Variants in MAN1C1 observed in about 807,000 individuals in gnomAD.
MAN1C1 encodes mannosidase alpha class 1C member 1.
In MAN1C1, 49 loss-of-function variants were observed where a neutral mutation model predicts 71.5. The ratio of observed to expected loss-of-function variants is 0.69; its 90% CI spans 0.54 to 0.87. The LOEUF (loss-of-function observed/expected upper bound fraction) is 0.87. Ranked by LOEUF, MAN1C1 falls within the 40% of genes least tolerant of loss-of-function variation. The probability of loss-of-function intolerance (pLI) is 0.00; values close to 1 mark genes in which losing one functional copy is unlikely to be tolerated. For missense variants in MAN1C1, 743 were observed against 835.0 expected, an observed-to-expected ratio of 0.89 and a Z score of 1.36; for synonymous variants, 352 against 343.7, an observed-to-expected ratio of 1.02 and a Z score of -0.27.
At chr1:25,663,545 T>G (rs2045880272) in intron 1 of MAN1C1, among the ~76,000 whole-genome samples, 1 of 152,234 alleles carries the variant, frequency 6.6e-6, no homozygotes, top group South Asian at 2.1e-4. Flanking sequence ...CCAAAATACT[T>G]CGTTGTACTG....
chr1:25,633,942 T>C (rs1186682824), intron 1 of MAN1C1, among the ~76,000 whole-genome samples: 1 of 152,230 alleles, frequency 6.6e-6, no homozygotes. Context: ...GAACTCCTTT[T>C]AGCATTTCTT....
chr1:25,712,167 G>C, intron 2 of MAN1C1, among the ~76,000 whole-genome samples: 1 of 152,262 alleles, frequency 6.6e-6, no homozygotes, highest in East Asian at 1.9e-4. Flanking sequence ...CTTGTGGAAA[G>C]TAACAGTACT....
At chr1:25,736,565 C>T (rs2744774) in intron 2 of MAN1C1, among the ~76,000 whole-genome samples, 5,670 of 152,248 alleles carry the variant, frequency 0.037, 138 homozygotes, top group Non-Finnish European at 0.055. Context: ...CTTGCTCTGT[C>T]GCCCAGGCTG....
At chr1:25,644,511 TATATATA>T (rs1182029867) in intron 1 of MAN1C1, 8 of 99,726 alleles carry the variant, frequency 8.0e-5, no homozygotes, top group African/African-American at 4.4e-4. Flanking sequence ...TATATATATA[TATATATA>T]TTTTTTTTTT....
chr1:25,678,295 C>A (rs1353339294), intron 1 of MAN1C1, among the ~76,000 whole-genome samples: 2 of 152,172 alleles, frequency 1.3e-5, no homozygotes, highest in African/African-American at 4.8e-5. Context: ...CTACTTTAGC[C>A]CTTGCATAAT....
At chr1:25,766,278 A>G (rs1349709036) in intron 7 of MAN1C1, among the ~76,000 whole-genome samples, 1 of 152,048 alleles carries the variant, frequency 6.6e-6, no homozygotes, top group Non-Finnish European at 1.5e-5. Context: ...AGCTCGCCCA[A>G]ACGTCTGCCT....
intron 1 of MAN1C1, among the ~76,000 whole-genome samples, chr1:25,678,266 AT>A (rs1293483809): frequency 6.6e-6 from 1 of 152,100 alleles, no homozygotes; most frequent in Non-Finnish European, 1.5e-5. Flanking sequence ...TTTAATACCT[AT>A]TTACTACTTT....
chr1:25,754,985 C>T (rs928667248), intron 5 of MAN1C1, among the ~76,000 whole-genome samples: 1 of 152,132 alleles, frequency 6.6e-6, no homozygotes, highest in Non-Finnish European at 1.5e-5. Flanking sequence ...GCTGTATGGG[C>T]CCATGTGGCA....
rs2046369716 is a variant in MAN1C1, at chr1:25,696,369, A to G, written c.637+9833A>G. On this transcript the variant is annotated intron_variant, in intron 2 of 11. Coordinates refer to ENST00000374332, the MANE Select transcript of MAN1C1 (RefSeq NM_020379.4). The stretch of plus-strand genomic sequence containing the variant: ...GAGGGCCGGGACTACCTGAGGTCAG[A>G]CAGCCAGGATCGAACCCTGGTCTTC... 6.6e-5 allele frequency among the ~76,000 whole-genome samples: 10 copies of G among 152,260 alleles called. No individual in the cohort carries two copies. In the South Asian group the frequency reaches 2.1e-3, roughly 32 times the overall value.
intron 2 of MAN1C1, among the ~76,000 whole-genome samples, chr1:25,733,330 G>A (rs1351351063): frequency 6.6e-6 from 1 of 152,078 alleles, no homozygotes; most frequent in Non-Finnish European, 1.5e-5. Context: ...AAGCCATCCA[G>A]ACCCCCTTTC....
chr1:25,660,313 A>AT (rs1250569608), intron 1 of MAN1C1, among the ~76,000 whole-genome samples: 1 of 151,752 alleles, frequency 6.6e-6, no homozygotes. Context: ...AAGCAGGAGA[A>AT]TCACTTGAAC....
rs560664763 is a variant in MAN1C1, at chr1:25,778,826, C to T, written c.1477+502C>T. On this transcript the variant is annotated intron_variant, in intron 9 of 11. Transcript: ENST00000374332. The surrounding 1 kb of genome is among the most constrained non-coding windows in gnomAD (Gnocchi z 5.5). ...GTCGCCCTCTTTGACCCATGATCAC[C>T]GGAAAGCCTGAGAGCTTGGTCCTCC... 1.2e-3 allele frequency among the ~76,000 whole-genome samples: 188 copies of T among 152,266 alleles called. No homozygotes were observed. The highest frequency in any genetic ancestry group is 1.0e-3 in the Non-Finnish European group (69 of 68,016).
rs779583421 is a variant in MAN1C1 at position 25,618,200 on chromosome 1, G to A, written c.403G>A (p.Gly135Arg). Reference sequence around the variant, plus strand: ...CAATAGCATCCCGGCCTCCAGGCCCGGGGACGAGGGCGTCCCTTTCCGCTT... The same window carrying A: ...CAATAGCATCCCGGCCTCCAGGCCCAGGGACGAGGGCGTCCCTTTCCGCTT... Reference protein sequence around the residue: ...RGNSIPASRPGDEGVPFRFDF... With the variant: ...RGNSIPASRPRDEGVPFRFDF... The change falls in exon 1 of 12, where the codon GGG becomes AGG. Residue 135 changes from glycine to arginine, a missense_variant. Gly to Arg is a moderately radical substitution (Grantham distance 125). Transcript: ENST00000374332. 6.3e-7 allele frequency: 1 copy of A among 1,585,712 alleles called. No homozygotes were observed.
intron 1 of MAN1C1, among the ~76,000 whole-genome samples, chr1:25,682,607 T>C (rs531518956): frequency 6.6e-6 from 1 of 152,300 alleles, no homozygotes; most frequent in Admixed American, 6.5e-5. Context: ...GTCTGTGGTA[T>C]GGAAGCAGGA....
chr1:25,756,409 C>T (rs1042652207), intron 5 of MAN1C1, among the ~76,000 whole-genome samples: 1 of 152,152 alleles, frequency 6.6e-6, no homozygotes, highest in Non-Finnish European at 1.5e-5. Flanking sequence ...AGGAAGCCCA[C>T]TTGGGAGGGT....
intron 2 of MAN1C1, among the ~76,000 whole-genome samples, chr1:25,697,299 T>G (rs1487709400): frequency 2.0e-5 from 3 of 152,236 alleles, no homozygotes; most frequent in Non-Finnish European, 4.4e-5. Flanking sequence ...TATCTGGTCT[T>G]TTGTTACTGA....
chr1:25,737,725 A>T (rs1402125124), intron 2 of MAN1C1, among the ~76,000 whole-genome samples: 2 of 152,090 alleles, frequency 1.3e-5, no homozygotes, highest in Non-Finnish European at 2.9e-5. Flanking sequence ...ATCAATGGGC[A>T]TGGTCAGTTC....
At chr1:25,731,184 C>T (rs2046904224) in intron 2 of MAN1C1, among the ~76,000 whole-genome samples, 1 of 152,208 alleles carries the variant, frequency 6.6e-6, no homozygotes, top group African/African-American at 2.4e-5. Context: ...GTGGCATGCT[C>T]ATGTAGTCCA....
At chr1:25,654,648 T>G (rs1227850045) in intron 1 of MAN1C1, among the ~76,000 whole-genome samples, 1 of 152,098 alleles carries the variant, frequency 6.6e-6, no homozygotes, top group South Asian at 2.1e-4. Flanking sequence ...TAAATTTTCC[T>G]TTTTTCCTTT....
Sources: gnomAD v4.1 joint callset for allele counts (sites outside exome capture counted in the v4.1 genomes callset) on GRCh38, gnomAD v4.1.1 for gene constraint, Gnocchi (gnomAD v3.1) non-coding constraint, MANE v1.5 for transcripts, NCBI Gene and HGNC (gene_info 2026-07-23, HGNC 2026-07-21) for gene names.